The following CHMP1A variants were observed in gnomAD, a reference collection of about 807,000 sequenced individuals.
The protein encoded by CHMP1A is VPS46 homolog A.
CHMP1A carries 17 observed loss-of-function variants against 27.0 expected under a neutral mutation model. The observed-to-expected ratio is 0.63, with a 90% CI of 0.43 to 0.95. The LOEUF (loss-of-function observed/expected upper bound fraction) is 0.95, where lower values mean the gene tolerates loss of function less well. CHMP1A is among the 40% of genes least tolerant of loss of function. The pLI is 0.00. For synonymous variants in CHMP1A, 131 were observed against 107.5 expected, an observed-to-expected ratio of 1.22 and a Z score of -1.35; for missense variants, 275 against 264.0, an observed-to-expected ratio of 1.04 and a Z score of -0.29.
At chr16:89,651,750 T>TG in intron 2 of CHMP1A, 104 bp from the exon 3 acceptor site, 1 of 1,144,510 alleles carries the variant, frequency 8.7e-7, no homozygotes, top group Non-Finnish European at 1.2e-6. Flanking sequence ...CCCACACAGG[T>TG]TCCTAAGCCC....
intron 1 of CHMP1A, among the ~76,000 whole-genome samples, chr16:89,657,178 G>A (rs1386699344): frequency 6.8e-6 from 1 of 146,690 alleles, no homozygotes; most frequent in Non-Finnish European, 1.5e-5. Flanking sequence ...GTCGAGGCCC[G>A]GGAGAAGGGG....
At chr16:89,657,462 G>T in intron 1 of CHMP1A, 120 bp downstream of exon 1, 2 of 1,263,280 alleles carry the variant, frequency 1.6e-6, no homozygotes, top group East Asian at 5.4e-5. Flanking sequence ...GGGGATCGAC[G>T]GTCGAGGCCC....
At chr16:89,649,146 GAT>G in intron 4 of CHMP1A, 4 of 361,982 alleles carry the variant, frequency 1.1e-5, no homozygotes, top group South Asian at 4.6e-5. Context: ...ACCCCACGCT[GAT>G]CCAGCTTAAC....
chr16:89,646,446 C>A, intron 6 of CHMP1A, 81 bp downstream of exon 6: 1 of 1,406,160 alleles, frequency 7.1e-7, no homozygotes, highest in Non-Finnish European at 9.7e-7. Context: ...CTCCTCCAGC[C>A]TCTAACCCAC....
chr16:89,651,716 C>G, intron 2 of CHMP1A, 70 bp from the exon 3 acceptor site: 5 of 1,478,454 alleles, frequency 3.4e-6, no homozygotes, highest in Non-Finnish European at 4.6e-6. Context: ...TCTCCACACC[C>G]CCACACCTGT....
intron 2 of CHMP1A, among the ~76,000 whole-genome samples, chr16:89,652,490 GCC>G (rs1290396908): frequency 6.2e-5 from 9 of 146,140 alleles, no homozygotes; most frequent in South Asian, 2.3e-4. Context: ...GTACCAGGTG[GCC>G]CTGGCCACCA....
intron 1 of CHMP1A, among the ~76,000 whole-genome samples, chr16:89,654,414 T>C (rs2059848131): frequency 6.6e-6 from 1 of 151,908 alleles, no homozygotes; most frequent in Non-Finnish European, 1.5e-5. Context: ...CCTGGGCCAA[T>C]TTAAAAGTTC....
intron 6 of CHMP1A, 53 bp from the exon 7 acceptor site, chr16:89,646,140 C>T: frequency 6.8e-7 from 1 of 1,478,922 alleles, no homozygotes; most frequent in African/African-American, 1.4e-5. Flanking sequence ...GGCCTCTGAC[C>T]ACCACGTGCT....
At chr16:89,657,452 G>T in intron 1 of CHMP1A, 130 bp downstream of exon 1, 1 of 1,163,858 alleles carries the variant, frequency 8.6e-7, no homozygotes, top group Non-Finnish European at 1.2e-6. Context: ...TGGGGTCCCG[G>T]GGGATCGACG....
At position 89,646,555 on chromosome 16, in the gene CHMP1A, GCA is replaced by G. The variant is rs2151511209; in HGVS notation, c.539_540del (p.Val180AlafsTer68). 6.3e-7 allele frequency: 1 copy of G among 1,591,030 alleles called. No homozygotes were observed. Among genetic ancestry groups the G allele is most frequent in the South Asian group, 1.1e-5 (1 of 87,134 alleles). On this transcript the variant is annotated frameshift_variant, in exon 6 of 7. Coordinates refer to ENST00000397901, the MANE Select transcript of CHMP1A (RefSeq NM_002768.5). Reference protein sequence around the residue: ...EGASAVGESSVRSQEDQLSRR... With the variant: ...EGASAVGESSXRSQEDQLSRR... ...CGTGACAGCTGGTCCTCCTGGCTGC[GCA>G]CAGAGCTCTCGCCCACGGCAGAGGC...
At chr16:89,657,246 G>C (rs148443519) in intron 1 of CHMP1A, among the ~76,000 whole-genome samples, 2 of 148,978 alleles carry the variant, frequency 1.3e-5, no homozygotes, top group East Asian at 4.1e-4. Flanking sequence ...ATCGAGGGTC[G>C]AGGCCCGGGA....
At chr16:89,650,025 C>A (rs779742250) in intron 3 of CHMP1A, among the ~76,000 whole-genome samples, 2 of 152,126 alleles carry the variant, frequency 1.3e-5, no homozygotes, top group Non-Finnish European at 2.9e-5. Flanking sequence ...CGGGACACAG[C>A]GGGTGACACT....
intron 2 of CHMP1A, 33 bp downstream of exon 2, chr16:89,653,871 C>A (rs761350996): frequency 1.2e-6 from 2 of 1,609,886 alleles, no homozygotes; most frequent in African/African-American, 1.3e-5. Context: ...CTCACCAGAA[C>A]AGGGCTGGGG....
At chr16:89,650,256 G>A (rs1303974525) in intron 3 of CHMP1A, among the ~76,000 whole-genome samples, 1 of 151,830 alleles carries the variant, frequency 6.6e-6, no homozygotes, top group Admixed American at 6.6e-5. Context: ...TCGGCTCACT[G>A]CAACCTCCAC....
intron 1 of CHMP1A, among the ~76,000 whole-genome samples, chr16:89,654,528 G>A (rs1337002378): frequency 6.6e-6 from 1 of 152,160 alleles, no homozygotes; most frequent in African/African-American, 2.4e-5. Context: ...ATTTCCAGCG[G>A]TACAGTCGCT....
In CHMP1A at chr16:89,645,581, G is replaced by A; in HGVS notation, c.*485C>T. ...AATACCACCAGGACAGCGTTGGGTG[G>A]CACCTGACATCCCCCAGCACACATA... On this transcript the variant is annotated 3_prime_UTR_variant, in exon 7 of 7. Transcript: ENST00000397901. 1 of 220,710 alleles carries A rather than the reference G, an allele frequency of 4.5e-6. No homozygotes were observed. The highest frequency in any genetic ancestry group is 9.3e-6 in the Non-Finnish European group (1 of 108,006). The allele number at this position is 220,710 out of a possible 1,614,324, so 13.7% of individuals were successfully genotyped here.
rs2059761727 is a variant in CHMP1A at position 89,644,855 on chromosome 16, C to G, written c.*1211G>C. 2.6e-5 allele frequency: 4 copies of G among 152,660 alleles called. No individual in the cohort carries two copies. In the South Asian group the frequency reaches 8.3e-4, roughly 32 times the overall value. The allele number at this position is 152,660 out of a possible 1,614,324, so 9.5% of individuals were successfully genotyped here. A position where few individuals can be genotyped will look rare whatever the true frequency, so the allele number is the denominator to read the frequency against. ...GAGGGGCGGGGACCCGCACTCCCTG[C>G]CAGCCGCCCACCACCTGCCTTTTCT... On this transcript the variant is annotated 3_prime_UTR_variant, in exon 7 of 7. Coordinates refer to ENST00000397901, the MANE Select transcript of CHMP1A (RefSeq NM_002768.5).
chr16:89,653,770 G>C, intron 2 of CHMP1A, 134 bp downstream of exon 2: 1 of 914,278 alleles, frequency 1.1e-6, no homozygotes, highest in South Asian at 1.4e-5. Flanking sequence ...TTGGTCAGCA[G>C]TCTGAGCCCT....
At chr16:89,657,496 G>A in intron 1 of CHMP1A, 86 bp downstream of exon 1, 2 of 1,549,572 alleles carry the variant, frequency 1.3e-6, no homozygotes, top group Non-Finnish European at 1.8e-6. Flanking sequence ...TCCTGCCCGC[G>A]GCCCCAGGTG....
Sources: gnomAD v4.1 joint callset for allele counts (sites outside exome capture counted in the v4.1 genomes callset) on GRCh38, gnomAD v4.1.1 for gene constraint, MANE v1.5 for transcripts, NCBI Gene and HGNC (gene_info 2026-07-23, HGNC 2026-07-21) for gene names.